RANBP17: variants seen among roughly 807,000 people sequenced by gnomAD.
RANBP17 encodes the protein ran-binding protein 17.
RANBP17 carries 158 observed loss-of-function variants against 141.2 expected under a neutral mutation model. The observed-to-expected ratio is 1.12, with a 90% CI of 0.98 to 1.28. RANBP17 has a LOEUF of 1.28. RANBP17 is among the 50% of genes most tolerant of loss of function. The pLI is 0.00. For synonymous variants in RANBP17, 430 were observed against 450.0 expected, an observed-to-expected ratio of 0.96 and a Z score of 0.56; for missense variants, 1,438 against 1,290.7, an observed-to-expected ratio of 1.11 and a Z score of -1.75.
intron 14 of RANBP17, among the ~76,000 whole-genome samples, chr5:171,104,514 A>G (rs1159336500): frequency 6.6e-6 from 1 of 152,210 alleles, no homozygotes; most frequent in Admixed American, 6.5e-5. Context: ...GCCACATTAC[A>G]TCAATGGTTG....
intron 12 of RANBP17, among the ~76,000 whole-genome samples, chr5:170,931,034 A>C (rs7722042): frequency 0.6 from 90,747 of 151,542 alleles, 28,902 homozygotes; most frequent in South Asian, 0.88. Context: ...CCAACAGTGT[A>C]AAAGCGTTCC....
At chr5:170,964,924 G>T (rs1172134325) in intron 13 of RANBP17, among the ~76,000 whole-genome samples, 1 of 152,088 alleles carries the variant, frequency 6.6e-6, no homozygotes, top group Non-Finnish European at 1.5e-5. Flanking sequence ...GTAATGGGAT[G>T]GCTGGGTCAA....
chr5:171,079,875 G>A (rs1465202881), intron 14 of RANBP17, among the ~76,000 whole-genome samples: 1 of 152,158 alleles, frequency 6.6e-6, no homozygotes, highest in Non-Finnish European at 1.5e-5. Context: ...TCTTTAAGGT[G>A]TGTCGGTATT....
intron 5 of RANBP17, among the ~76,000 whole-genome samples, chr5:170,908,146 A>G (rs1447062647): frequency 2.0e-5 from 3 of 151,984 alleles, no homozygotes; most frequent in Admixed American, 6.6e-5. Context: ...CAGAACTACT[A>G]TTCAACCCAG....
chr5:170,974,206 T>C (rs1053542815), intron 14 of RANBP17, among the ~76,000 whole-genome samples: 16 of 152,144 alleles, frequency 1.1e-4, no homozygotes, highest in African/African-American at 3.9e-4. Context: ...CTGAGCCAAA[T>C]TACCCCTCTA....
chr5:171,285,744 T>TA (rs1768135424), intron 25 of RANBP17, among the ~76,000 whole-genome samples: 2 of 152,218 alleles, frequency 1.3e-5, no homozygotes, highest in African/African-American at 4.8e-5. Context: ...AGTGGTGTAG[T>TA]GTAGTCAATT....
chr5:171,268,552 C>G (rs973937116), intron 25 of RANBP17, among the ~76,000 whole-genome samples: 5 of 152,112 alleles, frequency 3.3e-5, no homozygotes, highest in African/African-American at 1.2e-4. Context: ...CCCTCCCCAC[C>G]CCACCCAAAT....
At chr5:171,006,546 T>C (rs972076990) in intron 14 of RANBP17, among the ~76,000 whole-genome samples, 2 of 151,822 alleles carry the variant, frequency 1.3e-5, no homozygotes, top group African/African-American at 4.8e-5. Flanking sequence ...AATTGAACAA[T>C]GAGAACACAT....
chr5:171,028,864 T>A (rs1431916447), intron 14 of RANBP17: 4 of 1,262,518 alleles, frequency 3.2e-6, no homozygotes, highest in Non-Finnish European at 4.1e-6. Flanking sequence ...CTTTTTTGTC[T>A]TGCACAGAAG....
chr5:170,954,067 G>A (rs1775415704), intron 13 of RANBP17, among the ~76,000 whole-genome samples: 2 of 152,080 alleles, frequency 1.3e-5, no homozygotes, highest in Admixed American at 1.3e-4. Flanking sequence ...CCCATCGCAG[G>A]TTTTGTCACC....
intron 25 of RANBP17, among the ~76,000 whole-genome samples, chr5:171,288,949 G>A (rs1167417759): frequency 6.6e-6 from 1 of 152,206 alleles, no homozygotes; most frequent in Non-Finnish European, 1.5e-5. Context: ...AATGAACAAT[G>A]TATTAATTCC....
chr5:171,069,650 TA>T (rs1052537420), intron 14 of RANBP17, among the ~76,000 whole-genome samples: 1 of 152,232 alleles, frequency 6.6e-6, no homozygotes, highest in Non-Finnish European at 1.5e-5. Flanking sequence ...CACTGTGTTA[TA>T]AAATAGAGTT....
chr5:171,177,778 G>T (rs1407312643), intron 16 of RANBP17, among the ~76,000 whole-genome samples: 1 of 151,796 alleles, frequency 6.6e-6, no homozygotes, highest in African/African-American at 2.4e-5. Context: ...TACATATCTG[G>T]GTATGAATGT....
At chr5:171,108,657 C>A (rs1014487593) in intron 14 of RANBP17, among the ~76,000 whole-genome samples, 3 of 152,122 alleles carry the variant, frequency 2.0e-5, no homozygotes, top group Non-Finnish European at 4.4e-5. Context: ...AGTGATCCAC[C>A]CACCTCTGCT....
chr5:170,892,524 A>G lies in RANBP17; in HGVS notation c.394A>G (p.Ile132Val), dbSNP rs760415267. The G allele has an allele frequency of 2.5e-6, 4 of 1,613,834 alleles. No homozygotes were observed. The South Asian group carries it at 4.4e-5, about 18-fold the overall frequency. Residue 132 changes from isoleucine (I) to valine (V), a missense_variant, in exon 4 of 28, where the codon ATT becomes GTT. Transcript: ENST00000523189. Reference sequence around the variant, plus strand: ...GAAAGACCAATTTGTCTTCAGAGAAATTATTGCTGATGTGAAGAAGTTTCT... The same window carrying G: ...GAAAGACCAATTTGTCTTCAGAGAAGTTATTGCTGATGTGAAGAAGTTTCT... ...VQKDQFVFRE[I>V]IADVKKFLQG...
At chr5:171,253,855 G>A (rs1346858662) in intron 24 of RANBP17, among the ~76,000 whole-genome samples, 1 of 152,072 alleles carries the variant, frequency 6.6e-6, no homozygotes, top group East Asian at 1.9e-4. Flanking sequence ...TCCTTTTTCA[G>A]GAGGAACTGA....
Position 171,008,268 on chromosome 5 carries a change from C to T in RANBP17, c.1710+39891C>T, listed in dbSNP as rs182354569. Among the ~76,000 whole-genome samples the T allele has an allele frequency of 1.3e-3, 200 of 152,260 alleles. 1 individual carries two copies. Among genetic ancestry groups the T allele is most frequent in the African/African-American group, 4.7e-3 (195 of 41,560 alleles). ...GAGGCTGGAGAAGAGAGTGAAAAGACCGCTTACTCGAAATTGGTGAGATGT... is the reference window on the plus strand; with the variant it reads ...GAGGCTGGAGAAGAGAGTGAAAAGATCGCTTACTCGAAATTGGTGAGATGT... On this transcript the variant is annotated intron_variant, in intron 14 of 27. Coordinates refer to ENST00000523189, the MANE Select transcript of RANBP17 (RefSeq NM_022897.5).
chr5:171,240,037 A>C (rs376744570), intron 22 of RANBP17, among the ~76,000 whole-genome samples: 1 of 152,246 alleles, frequency 6.6e-6, no homozygotes, highest in Non-Finnish European at 1.5e-5. Flanking sequence ...CTAAGTTGAC[A>C]CAGTGTAAGC....
chr5:171,059,191 G>A (rs1199165224), intron 14 of RANBP17, among the ~76,000 whole-genome samples: 3 of 151,960 alleles, frequency 2.0e-5, no homozygotes, highest in Non-Finnish European at 4.4e-5. Flanking sequence ...GTCAATTTTT[G>A]CTTTTGTTGC....
Sources: gnomAD v4.1 joint callset for allele counts (sites outside exome capture counted in the v4.1 genomes callset) on GRCh38, gnomAD v4.1.1 for gene constraint, MANE v1.5 for transcripts, NCBI Gene and HGNC (gene_info 2026-07-23, HGNC 2026-07-21) for gene names.